The following ERMP1 variants were observed in gnomAD, a reference collection of about 807,000 sequenced individuals.
ERMP1 encodes endoplasmic reticulum metallopeptidase 1, also known as Felix-ina.
Under a neutral mutation model 92.0 loss-of-function variants are expected in ERMP1, and 86 were observed. The ratio of observed to expected loss-of-function variants is 0.93; its 90% confidence interval spans 0.79 to 1.12. The LOEUF is 1.12. Among genes scored for constraint, ERMP1 ranks in the 50% most tolerant of loss-of-function variants. The pLI, the probability that ERMP1 is intolerant of heterozygous loss-of-function variation, is 0.00. For missense variants in ERMP1, 1,342 were observed against 1,116.3 expected, an observed-to-expected ratio of 1.20 and a Z score of -2.88; for synonymous variants, 530 against 412.8, an observed-to-expected ratio of 1.28 and a Z score of -3.44.
chr9:5,796,779 C>T (rs10975287), intron 13 of ERMP1, among the ~76,000 whole-genome samples: 42,332 of 152,024 alleles, frequency 0.28, 6,944 homozygotes, highest in East Asian at 0.58. Flanking sequence ...TAAATCTATT[C>T]TGTATGATAC....
chr9:5,831,333 C>T (rs541197963), intron 1 of ERMP1, among the ~76,000 whole-genome samples: 12 of 152,312 alleles, frequency 7.9e-5, no homozygotes, highest in Admixed American at 6.5e-4. Context: ...TGGCCAGGCA[C>T]GGTGGCTCAC....
Position 5,805,154 on chromosome 9 carries a change from A to T in ERMP1, c.1787T>A (p.Leu596Ter), listed in dbSNP as rs763243350. The stretch of plus-strand genomic sequence containing the variant: ...CTCAAATACTGCCCAGATGAGGTAC[A>T]ATGCATAAAGATAAGGAATAAACAT... ...LGMFIPYLYA[L>*]YLIWAVFEMF... Residue 596 changes from leucine (L) to a stop codon, truncating the protein, a stop_gained, in exon 10 of 15, where the codon TTG becomes TAG. Coordinates refer to ENST00000339450, the MANE Select transcript of ERMP1 (RefSeq NM_024896.3). LOFTEE classifies it high-confidence loss of function. 1 of 1,613,744 alleles carries T rather than the reference A, an allele frequency of 6.2e-7. No individual in the cohort carries two copies. Among genetic ancestry groups the T allele is most frequent in the Admixed American group, 1.7e-5 (1 of 59,946 alleles).
chr9:5,790,912 G>C (rs1828165115), intron 13 of ERMP1, among the ~76,000 whole-genome samples: 1 of 152,144 alleles, frequency 6.6e-6, no homozygotes, highest in South Asian at 2.1e-4. Flanking sequence ...AGGGTTACAT[G>C]GGTATATATC....
At chr9:5,805,482 G>A in intron 9 of ERMP1, 129 bp downstream of exon 9, 1 of 738,802 alleles carries the variant, frequency 1.4e-6, no homozygotes, top group East Asian at 3.0e-5. Flanking sequence ...TAATTTGTGT[G>A]GTATGAAAAC....
chr9:5,853,490 G>A (rs114890100), intron 6 of ERMP1, among the ~76,000 whole-genome samples: 2,704 of 152,150 alleles, frequency 0.018, 87 homozygotes, highest in African/African-American at 0.062. Flanking sequence ...AAGAAACTAT[G>A]CTCTGTTGGT....
chr9:5,825,985 C>A (rs1164577657), intron 2 of ERMP1, among the ~76,000 whole-genome samples: 1 of 152,108 alleles, frequency 6.6e-6, no homozygotes, highest in Non-Finnish European at 1.5e-5. Context: ...CAAGGAATTA[C>A]TGTTAGGTTT....
intron 10 of ERMP1, among the ~76,000 whole-genome samples, chr9:5,801,710 T>C (rs1218838286): frequency 6.6e-6 from 1 of 152,260 alleles, no homozygotes; most frequent in Non-Finnish European, 1.5e-5. Context: ...CAGATCTGTT[T>C]GGACAAAACT....
At chr9:5,821,213 C>T (rs976240009) in intron 4 of ERMP1, among the ~76,000 whole-genome samples, 2 of 152,118 alleles carry the variant, frequency 1.3e-5, no homozygotes, top group Admixed American at 1.3e-4. Flanking sequence ...AATTTAAATA[C>T]ATAAAATTAT....
At chr9:5,821,354 G>C (rs1486378704) in intron 4 of ERMP1, among the ~76,000 whole-genome samples, 1 of 152,154 alleles carries the variant, frequency 6.6e-6, no homozygotes, top group Non-Finnish European at 1.5e-5. Context: ...ACCAGCAACT[G>C]CTCACCATCC....
rs576315346 is a variant in ERMP1, at chr9:5,796,489, G to A, written c.2386+1328C>T. ...AACCTGCCCAGGAATCTTTATAGCAGCCTTATTCAAATATGGATAACTGCT... is the reference window on the plus strand; with the variant it reads ...AACCTGCCCAGGAATCTTTATAGCAACCTTATTCAAATATGGATAACTGCT... On this transcript the variant is annotated intron_variant, in intron 13 of 14. Transcript: ENST00000339450. 2.0e-5 allele frequency among the ~76,000 whole-genome samples: 3 copies of A among 152,272 alleles called. No homozygotes were observed. The East Asian group carries it at 5.8e-4, about 29-fold the overall frequency.
intron 2 of ERMP1, among the ~76,000 whole-genome samples, chr9:5,827,675 C>T (rs992514529): frequency 6.6e-6 from 1 of 151,648 alleles, no homozygotes. Context: ...TCCTGGCTAA[C>T]ACAGTGAAAC....
chr9:5,840,242 AAAAG>A (rs554159119), intron 6 of ERMP1, among the ~76,000 whole-genome samples: 352 of 152,266 alleles, frequency 2.3e-3, no homozygotes, highest in Middle Eastern at 3.4e-3. Flanking sequence ...ACTTCGTCAA[AAAAG>A]AAAGAAAGAG....
rs1228441278 is a variant in ERMP1, at chr9:5,838,751, A to G, written n.3200-5439T>C. Among the ~76,000 whole-genome samples, 3 of 152,190 alleles carry G rather than the reference A, an allele frequency of 2.0e-5. No individual in the cohort carries two copies. The East Asian group carries it at 5.8e-4, about 29-fold the overall frequency. On this transcript the variant is annotated intron_variant and non_coding_transcript_variant, in intron 6 of 6. Coordinates refer to the ERMP1 transcript ENST00000690753. ...ATATTATTAAACACAACTTTACCAA[A>G]GTCTGTTTAATAACGTGAGGGAAAT... is the stretch of plus-strand genomic sequence containing the variant.
chr9:5,801,292 T>C lies in ERMP1; in HGVS notation c.1951A>G (p.Thr651Ala). The C allele has an allele frequency of 1.2e-6, 2 of 1,609,578 alleles. No individual in the cohort carries two copies. Among genetic ancestry groups the C allele is most frequent in the Non-Finnish European group, 1.7e-6 (2 of 1,177,650 alleles). ...FIYLAKSTKK[T>A]MLTLTLVCAI... is the part of the protein sequence containing the mutation. Reference sequence around the variant, plus strand: ...CATACCAAAGTTAAAGTTAGCATGGTTTTTTTTGTGCTCTTGGCAAGGTAG... The same window carrying C: ...CATACCAAAGTTAAAGTTAGCATGGCTTTTTTTGTGCTCTTGGCAAGGTAG... Residue 651 changes from threonine to alanine, a missense_variant, in exon 11 of 15, where the codon ACC becomes GCC. Coordinates refer to ENST00000339450, the MANE Select transcript of ERMP1 (RefSeq NM_024896.3).
At chr9:5,821,834 G>A (rs1426957417) in intron 4 of ERMP1, among the ~76,000 whole-genome samples, 2 of 152,186 alleles carry the variant, frequency 1.3e-5, no homozygotes, top group African/African-American at 2.4e-5. Context: ...CTTACATGGA[G>A]CCCTGACATT....
intron 3 of ERMP1, 83 bp downstream of exon 3, chr9:5,825,009 T>A: frequency 7.2e-7 from 1 of 1,398,562 alleles, no homozygotes; most frequent in Non-Finnish European, 9.9e-7. Context: ...AAAAATGCAT[T>A]TACTATTTAG....
intron 4 of ERMP1, among the ~76,000 whole-genome samples, chr9:5,823,245 C>T (rs1395331413): frequency 6.6e-6 from 1 of 151,654 alleles, no homozygotes; most frequent in Admixed American, 6.6e-5. Flanking sequence ...CCAGTGCACT[C>T]GAGCCTGGGT....
chr9:5,803,325 T>G (rs1225107189), intron 10 of ERMP1, among the ~76,000 whole-genome samples: 1 of 152,230 alleles, frequency 6.6e-6, no homozygotes, highest in East Asian at 1.9e-4. Flanking sequence ...GTGAGCTTTC[T>G]AAAGTATTCC....
intron 13 of ERMP1, among the ~76,000 whole-genome samples, chr9:5,795,430 T>C (rs191905538): frequency 2.0e-5 from 3 of 152,070 alleles, no homozygotes; most frequent in Non-Finnish European, 2.9e-5. Context: ...ATTATAGATA[T>C]TAGGAAGGAG....
Sources: gnomAD v4.1 joint callset for allele counts (sites outside exome capture counted in the v4.1 genomes callset) on GRCh38, gnomAD v4.1.1 for gene constraint, MANE v1.5 for transcripts, NCBI Gene and HGNC (gene_info 2026-07-23, HGNC 2026-07-21) for gene names.